Variants in SLC26A7 observed in about 807,000 individuals in gnomAD.
The protein encoded by SLC26A7 is anion exchange transporter.
Under a neutral mutation model 82.5 loss-of-function variants are expected in SLC26A7, and 59 were observed. That is an observed-to-expected ratio of 0.72 (90% CI 0.58 to 0.89). The LOEUF (loss-of-function observed/expected upper bound fraction) is 0.89. Among genes scored for constraint, SLC26A7 ranks in the 40% least tolerant of loss-of-function variants. The pLI is 0.00. For synonymous variants in SLC26A7, 271 were observed against 274.3 expected, an observed-to-expected ratio of 0.99 and a Z score of 0.12; for missense variants, 820 against 793.0, an observed-to-expected ratio of 1.03 and a Z score of -0.41.
chr8:91,228,108 A>G (rs1281356829), intron 2 of SLC26A7, among the ~76,000 whole-genome samples: 3 of 152,228 alleles, frequency 2.0e-5, no homozygotes, highest in Admixed American at 6.5e-5. Context: ...TAGAGCAGCC[A>G]TGGCACACCA....
chr8:91,247,100 T>C (rs1025324256), upstream of SLC26A7, among the ~76,000 whole-genome samples: 2 of 152,220 alleles, frequency 1.3e-5, no homozygotes, highest in Non-Finnish European at 2.9e-5. Context: ...CTGCATTGCT[T>C]CCACTAATGA....
At chr8:91,232,169 G>A (rs1317460063) in intron 2 of SLC26A7, among the ~76,000 whole-genome samples, 2 of 152,142 alleles carry the variant, frequency 1.3e-5, no homozygotes. Flanking sequence ...CTACTTTCCT[G>A]ATAGAAATTT....
chr8:91,332,582 T>C (rs1384795633), intron 5 of SLC26A7, among the ~76,000 whole-genome samples: 2 of 149,746 alleles, frequency 1.3e-5, no homozygotes, highest in Non-Finnish European at 3.0e-5. Flanking sequence ...GGCTGGAGTG[T>C]AGTGGTGCAA....
chr8:91,237,848 C>G (rs1810413539), intron 2 of SLC26A7, among the ~76,000 whole-genome samples: 1 of 152,166 alleles, frequency 6.6e-6, no homozygotes, highest in Non-Finnish European at 1.5e-5. Context: ...CCAGACTTTT[C>G]TAAGCCCTCA....
At chr8:91,256,177 C>T (rs148834762) in intron 2 of SLC26A7, among the ~76,000 whole-genome samples, 13 of 152,176 alleles carry the variant, frequency 8.5e-5, no homozygotes, top group East Asian at 5.8e-4. Flanking sequence ...TATCTAGCAA[C>T]GAAACCAGAT....
intron 14 of SLC26A7, among the ~76,000 whole-genome samples, chr8:91,367,114 T>G (rs1246845068): frequency 6.6e-6 from 1 of 152,022 alleles, no homozygotes; most frequent in East Asian, 1.9e-4. Context: ...TTCACGCCAT[T>G]CTTCTGCCTC....
chr8:91,301,098 C>T (rs1028439721), intron 4 of SLC26A7, among the ~76,000 whole-genome samples: 1 of 152,136 alleles, frequency 6.6e-6, no homozygotes, highest in East Asian at 1.9e-4. Flanking sequence ...CAGTTGGTCA[C>T]GGTCTATTTT....
chr8:91,386,802 C>T (rs1433260818), intron 15 of SLC26A7, among the ~76,000 whole-genome samples: 2 of 152,122 alleles, frequency 1.3e-5, no homozygotes, highest in African/African-American at 2.4e-5. Flanking sequence ...AAGATATATA[C>T]ACAACTGACT....
In SLC26A7 at chr8:91,318,333, T is replaced by C. The variant is rs751864755; in HGVS notation, c.595T>C (p.Leu199=). ...GGTGACTTCACAAGTCAAATATCTC[T>C]TGGGAATGAAAATGCCATATATATC... is the stretch of plus-strand genomic sequence containing the variant. ...HVVTSQVKYL[L]GMKMPYISGP... Residue 199 remains leucine, a synonymous_variant, in exon 5 of 19, where the codon TTG becomes CTG. Transcript: ENST00000276609. 6.8e-6 allele frequency: 11 copies of C among 1,612,228 alleles called. No individual in the cohort carries two copies. The highest frequency in any genetic ancestry group is 9.3e-6 in the Non-Finnish European group (11 of 1,178,934).
chr8:91,337,088 G>C (rs1389635548), intron 6 of SLC26A7, among the ~76,000 whole-genome samples: 1 of 151,658 alleles, frequency 6.6e-6, no homozygotes, highest in Non-Finnish European at 1.5e-5. Flanking sequence ...TCACCTTTAT[G>C]GTTTTTGTTC....
intron 2 of SLC26A7, among the ~76,000 whole-genome samples, chr8:91,238,626 C>A (rs932461417): frequency 7.3e-5 from 11 of 150,962 alleles, no homozygotes; most frequent in African/African-American, 2.7e-4. Context: ...AGAATACATT[C>A]AAAAAGGGCA....
intron 4 of SLC26A7, among the ~76,000 whole-genome samples, chr8:91,311,123 C>T (rs898477465): frequency 1.3e-4 from 20 of 152,132 alleles, no homozygotes; most frequent in Non-Finnish European, 2.8e-4. Flanking sequence ...CCATGGGAAA[C>T]AACTTCAGCA....
At chr8:91,274,346 A>G (rs771565472) in intron 2 of SLC26A7, among the ~76,000 whole-genome samples, 1 of 152,236 alleles carries the variant, frequency 6.6e-6, no homozygotes, top group Non-Finnish European at 1.5e-5. Context: ...ATTGTAATGG[A>G]CAGAAATTTA....
intron 15 of SLC26A7, among the ~76,000 whole-genome samples, chr8:91,374,737 A>G (rs1166771760): frequency 6.6e-6 from 1 of 152,062 alleles, no homozygotes; most frequent in Non-Finnish European, 1.5e-5. Flanking sequence ...GTAGCTGTCT[A>G]TTAGGTCAAT....
At chr8:91,276,799 T>C (rs1811419122) in intron 2 of SLC26A7, among the ~76,000 whole-genome samples, 1 of 152,190 alleles carries the variant, frequency 6.6e-6, no homozygotes, top group African/African-American at 2.4e-5. Flanking sequence ...ATCACGTGCT[T>C]CCTTCCATAT....
At chr8:91,259,265 G>A (rs544960650) in intron 2 of SLC26A7, among the ~76,000 whole-genome samples, 25 of 152,120 alleles carry the variant, frequency 1.6e-4, no homozygotes, top group African/African-American at 5.3e-4. Context: ...ACTTTTGCCT[G>A]CACCCTTTAT....
chr8:91,254,946 GT>G (rs1398254254), intron 2 of SLC26A7, among the ~76,000 whole-genome samples: 1 of 152,098 alleles, frequency 6.6e-6, no homozygotes, highest in Non-Finnish European at 1.5e-5. Flanking sequence ...CTTAAAACAT[GT>G]CACCAACATG....
chr8:91,340,981 C>A (rs1813393002), intron 8 of SLC26A7, among the ~76,000 whole-genome samples: 1 of 126,552 alleles, frequency 7.9e-6, no homozygotes, highest in Non-Finnish European at 1.8e-5. Context: ...TTGCATATGT[C>A]CTGTTTCTTT....
intron 4 of SLC26A7, among the ~76,000 whole-genome samples, chr8:91,311,653 A>G (rs768215701): frequency 2.0e-5 from 3 of 152,172 alleles, no homozygotes; most frequent in Non-Finnish European, 4.4e-5. Flanking sequence ...GCCAAGGTTA[A>G]GGACATGCCC....
Sources: allele counts gnomAD v4.1 joint callset (sites outside exome capture counted in the v4.1 genomes callset), GRCh38; gene constraint gnomAD v4.1.1; transcripts MANE v1.5; gene names NCBI Gene and HGNC (gene_info 2026-07-23, HGNC 2026-07-21).